Variants in UBP1 observed in about 807,000 individuals in gnomAD.
UBP1 encodes upstream binding protein 1, also known as upstream-binding protein 1.
In UBP1, 22 loss-of-function variants were observed where a neutral mutation model predicts 76.1. The ratio of observed to expected loss-of-function variants is 0.29; its 90% CI spans 0.21 to 0.41. The LOEUF is 0.41. UBP1 is among the 10% of genes least tolerant of loss of function. The pLI, the probability that UBP1 is intolerant of heterozygous loss-of-function variation, is 1.00. For missense variants in UBP1, 436 were observed against 668.1 expected, an observed-to-expected ratio of 0.65 and a Z score of 3.83; for synonymous variants, 224 against 237.1, an observed-to-expected ratio of 0.94 and a Z score of 0.51.
chr3:33,400,940 G>A, intron 10 of UBP1, 22 bp downstream of exon 10: 1 of 1,591,678 alleles, frequency 6.3e-7, no homozygotes, highest in South Asian at 1.2e-5. Flanking sequence ...GCATCAGATA[G>A]TTTTAGGAGA....
chr3:33,395,723 T>C (rs1575449547), intron 13 of UBP1, among the ~76,000 whole-genome samples: 1 of 134,652 alleles, frequency 7.4e-6, no homozygotes, highest in Admixed American at 7.9e-5. Context: ...GCTTTAAGAG[T>C]TCTCCCCATA....
intron 1 of UBP1, among the ~76,000 whole-genome samples, chr3:33,431,456 C>T (rs1183715515): frequency 1.3e-5 from 2 of 151,956 alleles, no homozygotes; most frequent in East Asian, 1.9e-4. Flanking sequence ...ATGAAAGTTC[C>T]GCCGGGTGCA....
At chr3:33,400,303 C>A (rs747535331) in intron 10 of UBP1, 21 bp from the exon 11 acceptor site, 1 of 1,567,572 alleles carries the variant, frequency 6.4e-7, no homozygotes, top group Admixed American at 1.9e-5. Flanking sequence ...TGAAAATGAA[C>A]ATAAATAAAA....
rs2044493796 is a variant in UBP1, at chr3:33,408,624, T to G, written c.927+66A>C. The G allele has an allele frequency of 9.1e-6, 12 of 1,316,628 alleles. No homozygotes were observed. The South Asian group carries it at 1.7e-4, about 18-fold the overall frequency. The allele number at this position is 1,316,628 out of a possible 1,614,324, so 81.6% of individuals were successfully genotyped here. A position where few individuals can be genotyped will look rare whatever the true frequency, so the allele number is the denominator to read the frequency against. ...TTTTGGCTTTACTTTGCGGTGGAAG[T>G]TGGTCCTATATCTAACACTGCACAA... On this transcript the variant is annotated intron_variant, in intron 8 of 15. Transcript: ENST00000283629.
At chr3:33,431,310 A>T (rs1286419425) in intron 1 of UBP1, among the ~76,000 whole-genome samples, 1 of 152,246 alleles carries the variant, frequency 6.6e-6, no homozygotes, top group Non-Finnish European at 1.5e-5. Flanking sequence ...AACTGAAGAC[A>T]GGAAGGCTGA....
At chr3:33,430,746 G>A (rs2045099379) in intron 1 of UBP1, among the ~76,000 whole-genome samples, 1 of 152,154 alleles carries the variant, frequency 6.6e-6, no homozygotes. Context: ...GCAACCACAC[G>A]GAATGCAGCT....
intron 1 of UBP1, among the ~76,000 whole-genome samples, chr3:33,434,018 G>A (rs567856601): frequency 2.6e-5 from 4 of 152,168 alleles, no homozygotes; most frequent in South Asian, 4.1e-4. Flanking sequence ...CAAAGCAAAC[G>A]TTTAAATGTG....
intron 8 of UBP1, among the ~76,000 whole-genome samples, chr3:33,405,695 G>C (rs2044400233): frequency 6.6e-6 from 1 of 152,100 alleles, no homozygotes. Flanking sequence ...AGGAGTTTGA[G>C]GTTGCAGTGA....
At chr3:33,400,312 AAGG>A in intron 10 of UBP1, 30 bp from the exon 11 acceptor site, 1 of 1,533,060 alleles carries the variant, frequency 6.5e-7, no homozygotes, top group Non-Finnish European at 8.9e-7. Context: ...ACATAAATAA[AAGG>A]AACCATTCAG....
At chr3:33,425,995 G>GT (rs2045004812) in intron 1 of UBP1, among the ~76,000 whole-genome samples, 2 of 51,956 alleles carry the variant, frequency 3.8e-5, no homozygotes, top group African/African-American at 9.4e-5. Context: ...GGGCAGCTCT[G>GT]AATATATATA....
intron 1 of UBP1, among the ~76,000 whole-genome samples, chr3:33,437,117 G>C (rs1575494811): frequency 6.6e-6 from 1 of 151,996 alleles, no homozygotes; most frequent in East Asian, 1.9e-4. Context: ...AGCACACACA[G>C]AACACATGAG....
intron 8 of UBP1, among the ~76,000 whole-genome samples, chr3:33,405,585 G>A (rs1043116756): frequency 2.6e-5 from 4 of 152,022 alleles, no homozygotes; most frequent in African/African-American, 7.3e-5. Flanking sequence ...CAGCACTTTC[G>A]GAGGCCAAGG....
At chr3:33,425,069 C>G (rs1263362850) in intron 2 of UBP1, among the ~76,000 whole-genome samples, 1 of 152,010 alleles carries the variant, frequency 6.6e-6, no homozygotes, top group Admixed American at 6.6e-5. Flanking sequence ...AAACTACCCC[C>G]ACATCTCTAT....
chr3:33,413,975 G>A (rs1164632826), intron 3 of UBP1, among the ~76,000 whole-genome samples: 2 of 152,156 alleles, frequency 1.3e-5, no homozygotes, highest in Non-Finnish European at 2.9e-5. Context: ...AGTTCTAATT[G>A]TTCCATACTC....
rs945743128 is a variant in UBP1, at chr3:33,427,521, C to CT, written c.114-1781dup. On this transcript the variant is annotated intron_variant, in intron 1 of 15. Transcript: ENST00000283629. ...GACTTGTCTGAACTGCTTATTTTCTCTTTTTTTCCTACAAGCTGTTCACTA... is the reference window on the plus strand; with the variant it reads ...GACTTGTCTGAACTGCTTATTTTCTCTTTTTTTTCCTACAAGCTGTTCACTA... 8.5e-5 allele frequency among the ~76,000 whole-genome samples: 13 copies of CT among 152,286 alleles called. No individual in the cohort carries two copies. In the South Asian group the frequency reaches 2.1e-3, roughly 24 times the overall value.
intron 1 of UBP1, among the ~76,000 whole-genome samples, chr3:33,435,255 G>A (rs1169240935): frequency 6.6e-6 from 1 of 152,064 alleles, no homozygotes; most frequent in East Asian, 1.9e-4. Context: ...TATAGAAATT[G>A]CTTCATGAAA....
At chr3:33,409,390 C>T in intron 6 of UBP1, 44 bp from the exon 7 acceptor site, 3 of 1,613,896 alleles carry the variant, frequency 1.9e-6, no homozygotes, top group Non-Finnish European at 2.5e-6. Context: ...GCTGCAGACA[C>T]ACAGCTTTAC....
chr3:33,440,464 C>T (rs2045279412), upstream of UBP1: 1 of 152,390 alleles, frequency 6.6e-6, no homozygotes, highest in African/African-American at 2.4e-5. Flanking sequence ...TCGGCCCTCC[C>T]CGTACAGCCC....
chr3:33,405,411 G>A (rs909471964), intron 8 of UBP1, among the ~76,000 whole-genome samples: 46 of 152,112 alleles, frequency 3.0e-4, no homozygotes, highest in Admixed American at 1.8e-3. Context: ...AATTGTAAAC[G>A]CAAATCACCA....
Sources: allele counts gnomAD v4.1 joint callset (sites outside exome capture counted in the v4.1 genomes callset), GRCh38; gene constraint gnomAD v4.1.1; transcripts MANE v1.5; gene names NCBI Gene and HGNC (gene_info 2026-07-23, HGNC 2026-07-21).